RARB: variants seen among roughly 807,000 people sequenced by gnomAD.
RARB encodes the protein retinoic acid receptor beta, also known as HBV-activated protein.
Under a neutral mutation model 51.9 loss-of-function variants are expected in RARB, and 17 were observed. The ratio of observed to expected loss-of-function variants is 0.33; its 90% confidence interval spans 0.22 to 0.49. RARB has a LOEUF of 0.49. Ranked by LOEUF, RARB falls within the 20% of genes least tolerant of loss-of-function variation. The probability of loss-of-function intolerance (pLI) is 0.99; values close to 1 mark genes in which losing one functional copy is unlikely to be tolerated. For synonymous variants in RARB, 215 were observed against 195.4 expected (o/e 1.10, Z -0.84); for missense variants, 369 against 550.8 (o/e 0.67, Z 3.30).
At chr3:25,253,292 G>A (rs530472195) in intron 5 of RARB, among the ~76,000 whole-genome samples, 43 of 152,142 alleles carry the variant, frequency 2.8e-4, no homozygotes, top group East Asian at 1.7e-3. Context: ...TTGTACATCC[G>A]TATTTTGCCT....
chr3:24,958,342 C>A (rs1274142796), intron 2 of RARB, among the ~76,000 whole-genome samples: 4 of 131,920 alleles, frequency 3.0e-5, no homozygotes, highest in African/African-American at 1.1e-4. Flanking sequence ...ACTCAAAACT[C>A]ATTCTCCTTA....
At chr3:24,886,811 T>C (rs1186358632) in intron 2 of RARB, among the ~76,000 whole-genome samples, 2 of 152,174 alleles carry the variant, frequency 1.3e-5, no homozygotes, top group Non-Finnish European at 2.9e-5. Context: ...AAGGCAGTAA[T>C]GTAAAAGAGA....
At chr3:24,841,582 C>G (rs1702422153) in intron 1 of RARB, among the ~76,000 whole-genome samples, 1 of 152,132 alleles carries the variant, frequency 6.6e-6, no homozygotes, top group Non-Finnish European at 1.5e-5. Flanking sequence ...ACTATTCTGT[C>G]CATTTGATAT....
chr3:24,933,509 A>T (rs987871524), intron 2 of RARB, among the ~76,000 whole-genome samples: 1 of 152,046 alleles, frequency 6.6e-6, no homozygotes, highest in Non-Finnish European at 1.5e-5. Context: ...CTCGCCCTTC[A>T]GAGTTTTGCT....
intron 1 of RARB, among the ~76,000 whole-genome samples, chr3:24,839,727 G>A (rs1471898737): frequency 1.7e-5 from 2 of 117,770 alleles, no homozygotes; most frequent in East Asian, 5.7e-4. Context: ...AAAGGGGGGG[G>A]GGGTGGGGGA....
At chr3:24,938,816 A>G (rs1695597636) in intron 2 of RARB, among the ~76,000 whole-genome samples, 1 of 152,144 alleles carries the variant, frequency 6.6e-6, no homozygotes, top group Admixed American at 6.5e-5. Context: ...GAATCATACC[A>G]TATTTGTCCT....
intron 3 of RARB, among the ~76,000 whole-genome samples, chr3:25,127,523 C>G (rs1699880320): frequency 6.6e-6 from 1 of 152,146 alleles, no homozygotes; most frequent in Non-Finnish European, 1.5e-5. Flanking sequence ...TTACCACTGT[C>G]TGAAAGTACC....
In RARB at chr3:25,336,732, T is replaced by C. The variant is rs181216856; in HGVS notation, c.179-124461T>C. Among the ~76,000 whole-genome samples, 643 of 152,304 alleles carry C rather than the reference T, an allele frequency of 4.2e-3. 3 individuals are homozygous for C. The highest frequency in any genetic ancestry group is 6.6e-3 in the Non-Finnish European group (450 of 68,026). On this transcript the variant is annotated intron_variant, in intron 5 of 11. Transcript: ENST00000383772. Reference sequence around the variant, plus strand: ...TCCACTGAACTAATCCTAGGTTTAGTGCCAATTACCTAAAGGTTAATGTGG... The same window carrying C: ...TCCACTGAACTAATCCTAGGTTTAGCGCCAATTACCTAAAGGTTAATGTGG...
intron 2 of RARB, among the ~76,000 whole-genome samples, chr3:24,970,328 C>T (rs1696369536): frequency 6.6e-6 from 1 of 151,850 alleles, no homozygotes; most frequent in South Asian, 2.1e-4. Flanking sequence ...GAACTGAAAC[C>T]ACCACGAGTA....
In RARB at chr3:24,874,874, C is replaced by T. The variant is rs188970056; in HGVS notation, c.-380+16122C>T. Among the ~76,000 whole-genome samples the T allele has an allele frequency of 2.0e-5, 3 of 151,946 alleles. No homozygotes were observed. The East Asian group carries it at 5.8e-4, about 29-fold the overall frequency. The stretch of plus-strand genomic sequence containing the variant: ...ATTTTGTTATTAAAGTTTTTTCTCA[C>T]TGCATTGTTTTACTCTACTACACTA... On this transcript the variant is annotated intron_variant, in intron 2 of 11. Coordinates refer to the RARB transcript ENST00000383772.
chr3:25,284,035 G>A (rs1234145991), intron 5 of RARB, among the ~76,000 whole-genome samples: 1 of 152,170 alleles, frequency 6.6e-6, no homozygotes, highest in Non-Finnish European at 1.5e-5. Flanking sequence ...TTCTCCTGCT[G>A]GCAATCTCTC....
At chr3:25,327,084 G>A (rs2125442739) in intron 5 of RARB, among the ~76,000 whole-genome samples, 1 of 152,132 alleles carries the variant, frequency 6.6e-6, no homozygotes, top group Admixed American at 6.5e-5. Context: ...GTGAGAACAT[G>A]CGCTGTTTCG....
At chr3:24,927,094 C>A (rs901518041) in intron 2 of RARB, among the ~76,000 whole-genome samples, 2 of 152,050 alleles carry the variant, frequency 1.3e-5, no homozygotes, top group Non-Finnish European at 2.9e-5. Context: ...TTACTTTAAC[C>A]TCATATATTC....
Position 24,839,535 on chromosome 3 carries a change from G to GA in RARB, c.-459+10147dup, listed in dbSNP as rs56392246. Among the ~76,000 whole-genome samples the GA allele has an allele frequency of 6.9e-3, 955 of 137,742 alleles. 9 individuals carry two copies. Among genetic ancestry groups the GA allele is most frequent in the African/African-American group, 0.021 (796 of 37,644 alleles). The allele number at this position is 137,742 out of a possible 152,430, so 90.4% of individuals were successfully genotyped here. A position where few individuals can be genotyped will look rare whatever the true frequency, so the allele number is the denominator to read the frequency against. ...GGCAACACAGAGAAACCCTGTCTCTGAAAAAAAAAAAAAAATACAGAAGTT... is the reference window on the plus strand; with the variant it reads ...GGCAACACAGAGAAACCCTGTCTCTGAAAAAAAAAAAAAAAATACAGAAGTT... On this transcript the variant is annotated intron_variant, in intron 1 of 11. Coordinates refer to the RARB transcript ENST00000383772.
At chr3:25,293,498 T>C (rs1443762977) in intron 5 of RARB, among the ~76,000 whole-genome samples, 3 of 149,916 alleles carry the variant, frequency 2.0e-5, no homozygotes, top group Admixed American at 6.8e-5. Context: ...AGAATGCCTA[T>C]TACCCAACAT....
At chr3:25,158,058 C>G (rs1291074701) in intron 4 of RARB, among the ~76,000 whole-genome samples, 3 of 152,206 alleles carry the variant, frequency 2.0e-5, no homozygotes, top group Non-Finnish European at 4.4e-5. Context: ...GATATTTGCA[C>G]CAATGAAGTT....
intron 3 of RARB, among the ~76,000 whole-genome samples, chr3:25,074,876 G>A (rs989941382): frequency 6.6e-6 from 1 of 152,186 alleles, no homozygotes; most frequent in African/African-American, 2.4e-5. Context: ...ATGCAGCGCA[G>A]TGACTTGTAC....
At chr3:25,007,593 A>AAAAAAAAAAAAAAAAAC (rs1290478716) in intron 2 of RARB, among the ~76,000 whole-genome samples, 9 of 101,526 alleles carry the variant, frequency 8.9e-5, no homozygotes, top group East Asian at 3.1e-4. Context: ...AGACTGTCTC[A>AAAAAAAAAAAAAAAAAC]AAAAAAAAAA....
At chr3:25,593,391 A>G in intron 5 of RARB, 112 bp from the exon 6 acceptor site, 1 of 968,666 alleles carries the variant, frequency 1.0e-6, no homozygotes, top group South Asian at 1.6e-5. Flanking sequence ...AAAGGGGGAC[A>G]GACTGCCCCA....
Sources: allele counts gnomAD v4.1 joint callset (sites outside exome capture counted in the v4.1 genomes callset), GRCh38; gene constraint gnomAD v4.1.1; transcripts MANE v1.5; gene names NCBI Gene and HGNC (gene_info 2026-07-23, HGNC 2026-07-21).